SLC24A2: variants seen among roughly 807,000 people sequenced by gnomAD.
SLC24A2 encodes the protein solute carrier family 24 member 2, also known as sodium/potassium/calcium exchanger 2.
In SLC24A2, 36 loss-of-function variants were observed where a neutral mutation model predicts 62.0. The observed-to-expected ratio is 0.58, with a 90% CI of 0.44 to 0.77. The LOEUF is 0.77. SLC24A2 is among the 30% of genes least tolerant of loss of function. The probability of loss-of-function intolerance (pLI) is 0.00; values close to 1 mark genes in which losing one functional copy is unlikely to be tolerated. For synonymous variants in SLC24A2, 358 were observed against 294.0 expected (o/e 1.22, Z -2.23); for missense variants, 846 against 817.9 (o/e 1.03, Z -0.42).
chr9:19,981,051 T>C, the SLC24A2 span, among the ~76,000 whole-genome samples: 3 of 152,140 alleles, frequency 2.0e-5, no homozygotes, highest in African/African-American at 7.2e-5. Flanking sequence ...CTTGGAGCAA[T>C]AAAAAGATGC....
At chr9:19,675,995 G>A (rs79568834) in intron 2 of SLC24A2, among the ~76,000 whole-genome samples, 1,718 of 152,276 alleles carry the variant, frequency 0.011, 52 homozygotes, top group Admixed American at 0.066. Flanking sequence ...CTTACTCTCT[G>A]AGACAAACTA....
intron 9 of SLC24A2, among the ~76,000 whole-genome samples, chr9:19,525,028 T>C (rs1028060979): frequency 2.6e-5 from 4 of 152,204 alleles, no homozygotes; most frequent in Non-Finnish European, 4.4e-5. Flanking sequence ...AGCCTGGACA[T>C]CTGGAGGCTG....
chr9:19,919,568 C>G, the SLC24A2 span, among the ~76,000 whole-genome samples: 1 of 151,830 alleles, frequency 6.6e-6, no homozygotes, highest in Non-Finnish European at 1.5e-5. Context: ...TGGAAAAAAC[C>G]TCTTTTTTTC....
chr9:20,196,602 C>G, the SLC24A2 span, among the ~76,000 whole-genome samples: 1 of 152,134 alleles, frequency 6.6e-6, no homozygotes, highest in African/African-American at 2.4e-5. Flanking sequence ...ATATAAACTC[C>G]CCTACAGTTT....
chr9:20,163,753 A>C, the SLC24A2 span, among the ~76,000 whole-genome samples: 1 of 152,174 alleles, frequency 6.6e-6, no homozygotes. Flanking sequence ...TACAGTAACC[A>C]AAACAGCACG....
the SLC24A2 span, among the ~76,000 whole-genome samples, chr9:20,210,731 C>G: frequency 7.1e-6 from 1 of 141,612 alleles, no homozygotes; most frequent in Admixed American, 7.8e-5. Context: ...GTCTGGATCT[C>G]CTGACCTCAT....
intron 8 of SLC24A2, among the ~76,000 whole-genome samples, chr9:19,543,575 A>G (rs544832008): frequency 2.0e-5 from 3 of 152,260 alleles, no homozygotes; most frequent in East Asian, 1.9e-4. Flanking sequence ...ATTTAGTGCT[A>G]TAAATTTCCC....
At chr9:19,607,875 G>C (rs1251194949) in intron 4 of SLC24A2, among the ~76,000 whole-genome samples, 1 of 152,094 alleles carries the variant, frequency 6.6e-6, no homozygotes, top group African/African-American at 2.4e-5. Context: ...TTCCCTTATG[G>C]CTCAAATAAC....
rs1376162167 is a variant in SLC24A2, at chr9:19,550,122, A to C, written c.1479+15T>G. The C allele has an allele frequency of 6.2e-7, 1 of 1,612,772 alleles. No individual in the cohort carries two copies. Among genetic ancestry groups the C allele is most frequent in the African/African-American group, 1.3e-5 (1 of 74,886 alleles). Reference sequence around the variant, plus strand: ...ATGTTTTACAAGGGAACTATTTTTAAAATGCTTTACTTACAGGTTTGCGAA... The same window carrying C: ...ATGTTTTACAAGGGAACTATTTTTACAATGCTTTACTTACAGGTTTGCGAA... On this transcript the variant is annotated intron_variant, in intron 8 of 10. Transcript: ENST00000341998.
the SLC24A2 span, among the ~76,000 whole-genome samples, chr9:20,101,540 T>G: frequency 6.6e-6 from 1 of 152,146 alleles, no homozygotes; most frequent in African/African-American, 2.4e-5. Context: ...TGAGAGAACT[T>G]TTGTGGCTTC....
At chr9:19,994,508 C>A in the SLC24A2 span, among the ~76,000 whole-genome samples, 1 of 152,148 alleles carries the variant, frequency 6.6e-6, no homozygotes, top group African/African-American at 2.4e-5. Flanking sequence ...AGGTTTTTCA[C>A]GTTCGCTCAT....
At chr9:20,233,542 T>C in the SLC24A2 span, among the ~76,000 whole-genome samples, 54 of 152,202 alleles carry the variant, frequency 3.5e-4, no homozygotes, top group Non-Finnish European at 7.2e-4. Flanking sequence ...GAGACTAGGA[T>C]TGCAACCCCT....
chr9:20,297,072 A>G, the SLC24A2 span, among the ~76,000 whole-genome samples: 2 of 152,162 alleles, frequency 1.3e-5, no homozygotes, highest in Admixed American at 1.3e-4. Flanking sequence ...TTGGGGTTTC[A>G]ACATTCAGGA....
At chr9:20,282,082 T>G in the SLC24A2 span, among the ~76,000 whole-genome samples, 1 of 152,154 alleles carries the variant, frequency 6.6e-6, no homozygotes, top group African/African-American at 2.4e-5. Flanking sequence ...AATCCTAAAA[T>G]TTTCTTTTAT....
At chr9:20,067,467 T>G in the SLC24A2 span, among the ~76,000 whole-genome samples, 1 of 152,176 alleles carries the variant, frequency 6.6e-6, no homozygotes, top group Non-Finnish European at 1.5e-5. Flanking sequence ...TGTGCAGGTT[T>G]CTTACATGGG....
chr9:19,676,732 T>C (rs1020633771), intron 2 of SLC24A2, among the ~76,000 whole-genome samples: 8 of 152,214 alleles, frequency 5.3e-5, no homozygotes, highest in Admixed American at 2.0e-4. Flanking sequence ...AAAAAACGGA[T>C]ACAATTTTGT....
At chr9:20,007,879 C>CTTT in the SLC24A2 span, among the ~76,000 whole-genome samples, 533 of 39,534 alleles carry the variant, frequency 0.013, 213 homozygotes, top group Non-Finnish European at 0.017. Flanking sequence ...TTACTCCTCT[C>CTTT]TTTTTTTTTT....
chr9:19,879,241 A>G, the SLC24A2 span, among the ~76,000 whole-genome samples: 10 of 152,284 alleles, frequency 6.6e-5, no homozygotes, highest in African/African-American at 2.4e-4. Flanking sequence ...GTGAGGCCAG[A>G]CAGGCTGGGA....
Position 19,786,571 on chromosome 9 carries a change from G to T in SLC24A2, c.296C>A (p.Pro99Gln), listed in dbSNP as rs757679768. ...GCCTTCCTTAGAAAGAGGTGGCTGTGGAGTATAATCCAGAATCTTGTCATT... is the reference window on the plus strand; with the variant it reads ...GCCTTCCTTAGAAAGAGGTGGCTGTTGAGTATAATCCAGAATCTTGTCATT... ...DLNDKILDYT[P>Q]QPPLSKEGES... Residue 99 changes from proline to glutamine, a missense_variant, in exon 2 of 11, where the codon CCA (proline) becomes CAA (glutamine). By Grantham distance (76) the Pro-to-Gln change is moderately conservative. Transcript: ENST00000341998. This position sits in a 1 kb window ranked among gnomAD's most constrained non-coding sequence, Gnocchi z 5.0. 2 of 1,614,134 alleles carry T rather than the reference G, an allele frequency of 1.2e-6. No homozygotes were observed. Among genetic ancestry groups the T allele is most frequent in the South Asian group, 2.2e-5 (2 of 91,082 alleles).
Sources: allele counts gnomAD v4.1 joint callset (sites outside exome capture counted in the v4.1 genomes callset), GRCh38; gene constraint gnomAD v4.1.1; non-coding constraint Gnocchi (gnomAD v3.1); transcripts MANE v1.5; gene names NCBI Gene and HGNC (gene_info 2026-07-23, HGNC 2026-07-21).